The following ADGRG2 variants were observed in gnomAD, a reference collection of about 807,000 sequenced individuals.
ADGRG2 encodes the protein adhesion G protein-coupled receptor G2, also known as G protein-coupled receptor 64.
In ADGRG2, 26 loss-of-function variants were observed where a neutral mutation model predicts 74.1. That is an observed-to-expected ratio of 0.35 (90% confidence interval 0.26 to 0.49). The LOEUF (loss-of-function observed/expected upper bound fraction) is 0.49. Among genes scored for constraint, ADGRG2 ranks in the 20% least tolerant of loss-of-function variants. ADGRG2 has a pLI of 0.99. For missense variants in ADGRG2, 619 were observed against 763.1 expected, an observed-to-expected ratio of 0.81 and a Z score of 2.22; for synonymous variants, 296 against 295.2, an observed-to-expected ratio of 1.00 and a Z score of -0.03.
chrX:19,043,548 CAATTTAAGTCAATA>C (rs1282085616), intron 3 of ADGRG2, among the ~76,000 whole-genome samples: 1 of 112,048 alleles, frequency 8.9e-6, no homozygotes, highest in African/African-American at 3.2e-5. Context: ...ATGGAAGTCT[CAATTTAAGTCAATA>C]AATAAAATTA....
chrX:19,108,363 GA>G (rs2062353055), intron 1 of ADGRG2, among the ~76,000 whole-genome samples: 1 of 111,270 alleles, frequency 9.0e-6, no homozygotes. Flanking sequence ...GCATTCAGAG[GA>G]GAAAATAATT....
intron 1 of ADGRG2, among the ~76,000 whole-genome samples, chrX:19,114,210 A>T (rs1434952304): frequency 9.1e-6 from 1 of 110,466 alleles, no homozygotes; most frequent in African/African-American, 3.3e-5. Context: ...GCACTGGGGA[A>T]CACTTTATTT....
At chrX:19,072,936 C>A (rs188247962) in intron 2 of ADGRG2, among the ~76,000 whole-genome samples, 36 of 111,985 alleles carry the variant, frequency 3.2e-4, no homozygotes, top group Admixed American at 3.0e-3. Flanking sequence ...CACATCAAAG[C>A]CATTTTTCTC....
rs373244276 is a variant in ADGRG2, at chrX:19,057,726, G to C, written c.118+10991C>G. ...GTGGTGGTGCATGCCTATAGTCCAAGCTACTTGGGAGGCTGAGGTGGGAGG... is the reference window on the plus strand; with the variant it reads ...GTGGTGGTGCATGCCTATAGTCCAACCTACTTGGGAGGCTGAGGTGGGAGG... On this transcript the variant is annotated intron_variant, in intron 3 of 28. Transcript: ENST00000379869. 6.3e-5 allele frequency among the ~76,000 whole-genome samples: 7 copies of C among 111,097 alleles called. 1 individual carries two copies. The East Asian group carries it at 1.7e-3, about 27-fold the overall frequency.
intron 1 of ADGRG2, among the ~76,000 whole-genome samples, chrX:19,096,709 C>T (rs1267986250): frequency 1.8e-5 from 2 of 111,921 alleles, no homozygotes; most frequent in Non-Finnish European, 3.8e-5. Context: ...ATGATGATAA[C>T]AGCCAGTGTT....
chrX:19,049,556 G>A (rs745321525), intron 3 of ADGRG2, among the ~76,000 whole-genome samples: 1 of 105,422 alleles, frequency 9.5e-6, no homozygotes, highest in African/African-American at 3.5e-5. Flanking sequence ...TCTCCAACCC[G>A]CAGCCCACAG....
intron 3 of ADGRG2, among the ~76,000 whole-genome samples, chrX:19,058,122 C>T (rs921751861): frequency 2.7e-5 from 3 of 111,955 alleles, no homozygotes; most frequent in African/African-American, 9.7e-5. Flanking sequence ...GAAACACAAG[C>T]TCAGAAATGT....
intron 1 of ADGRG2, among the ~76,000 whole-genome samples, chrX:19,117,537 C>T (rs1263683497): frequency 9.0e-6 from 1 of 110,702 alleles, no homozygotes; most frequent in Non-Finnish European, 1.9e-5. Context: ...AAATGAATTA[C>T]CAGGCGCAGT....
intron 1 of ADGRG2, among the ~76,000 whole-genome samples, chrX:19,116,012 C>G (rs1030667957): frequency 1.8e-5 from 2 of 109,029 alleles, no homozygotes; most frequent in East Asian, 5.8e-4. Flanking sequence ...GAGTTCGAGA[C>G]CAGCCTGGGC....
In ADGRG2 at chrX:19,022,277, A is replaced by G. The variant is rs1019744895; in HGVS notation, c.549-1079T>C. On this transcript the variant is annotated intron_variant, in intron 13 of 28. Coordinates refer to ENST00000379869, the MANE Select transcript of ADGRG2 (RefSeq NM_001079858.3). ...GAGACTCCATCTCAAAAAAAAAAAA[A>G]AATCTTTCTGGGAATTCTATCTAGA... Among the ~76,000 whole-genome samples the G allele has an allele frequency of 5.4e-5, 6 of 110,643 alleles. No homozygotes were observed. The East Asian group carries it at 1.7e-3, about 32-fold the overall frequency.
chrX:19,029,436 CT>C (rs1339147409), intron 9 of ADGRG2, among the ~76,000 whole-genome samples: 1 of 111,370 alleles, frequency 9.0e-6, no homozygotes, highest in African/African-American at 3.3e-5. Context: ...AAGCCAGCAC[CT>C]TTTGACTATC....
intron 2 of ADGRG2, among the ~76,000 whole-genome samples, chrX:19,076,453 G>C (rs1311444273): frequency 1.8e-5 from 2 of 111,750 alleles, no homozygotes; most frequent in Non-Finnish European, 3.8e-5. Context: ...CTCTCTACTG[G>C]CAAATCCAAA....
At chrX:19,008,696 A>G (rs185661671) in intron 18 of ADGRG2, among the ~76,000 whole-genome samples, 88 of 110,997 alleles carry the variant, frequency 7.9e-4, no homozygotes, top group African/African-American at 2.9e-3. Context: ...AAGTGTAATA[A>G]GGAGAGGAGG....
chrX:19,009,931 C>T (rs1397115590), intron 17 of ADGRG2, 149 bp from the exon 18 acceptor site: 3 of 421,535 alleles, frequency 7.1e-6, no homozygotes, highest in Non-Finnish European at 8.3e-6. Context: ...CTACCTCAGC[C>T]TCTCAAGTAG....
intron 1 of ADGRG2, among the ~76,000 whole-genome samples, chrX:19,088,382 TAACTC>T (rs1371157655): frequency 1.8e-5 from 2 of 112,367 alleles, no homozygotes; most frequent in Non-Finnish European, 3.8e-5. Context: ...ATTTTCTAAT[TAACTC>T]AACTTCTCTT....
At chrX:19,008,751 T>C (rs774886047) in intron 18 of ADGRG2, among the ~76,000 whole-genome samples, 2 of 111,210 alleles carry the variant, frequency 1.8e-5, no homozygotes, top group Non-Finnish European at 3.8e-5. Context: ...AAAGAAATAG[T>C]TGAAAAGTGC....
chrX:19,030,730 G>GA (rs999031916), intron 9 of ADGRG2, among the ~76,000 whole-genome samples: 2 of 112,084 alleles, frequency 1.8e-5, no homozygotes, highest in African/African-American at 6.5e-5. Context: ...AAGCTATAAT[G>GA]AAAAATATTT....
intron 1 of ADGRG2, among the ~76,000 whole-genome samples, chrX:19,090,008 A>G (rs780986104): frequency 1.8e-5 from 2 of 110,473 alleles, no homozygotes; most frequent in African/African-American, 6.6e-5. Flanking sequence ...ATTTCTCTCC[A>G]CTCATCTTCC....
At chrX:19,053,981 G>A (rs1402209737) in intron 3 of ADGRG2, among the ~76,000 whole-genome samples, 1 of 111,416 alleles carries the variant, frequency 9.0e-6, no homozygotes, top group East Asian at 2.8e-4. Flanking sequence ...AACCGCTCCC[G>A]TTATTCAATT....
Sources: gnomAD v4.1 joint callset for allele counts (sites outside exome capture counted in the v4.1 genomes callset) on GRCh38, gnomAD v4.1.1 for gene constraint, MANE v1.5 for transcripts, NCBI Gene and HGNC (gene_info 2026-07-23, HGNC 2026-07-21) for gene names.